The following KCNMA1 variants were observed in gnomAD, a reference collection of about 807,000 sequenced individuals.
KCNMA1 encodes the protein potassium calcium-activated channel subfamily M alpha 1.
In KCNMA1, 29 loss-of-function variants were observed where a neutral mutation model predicts 140.0. That is an observed-to-expected ratio of 0.21 (90% confidence interval 0.15 to 0.28). KCNMA1 has a LOEUF of 0.28. KCNMA1 is among the 10% of genes least tolerant of loss of function. The pLI, the probability that KCNMA1 is intolerant of heterozygous loss-of-function variation, is 1.00. For synonymous variants in KCNMA1, 612 were observed against 611.9 expected (o/e 1.00, Z 0.00); for missense variants, 880 against 1,602.2 (o/e 0.55, Z 7.70).
At chr10:77,252,589 C>G (rs1452816941) in intron 2 of KCNMA1, among the ~76,000 whole-genome samples, 4 of 147,390 alleles carry the variant, frequency 2.7e-5, no homozygotes, top group Non-Finnish European at 4.5e-5. Flanking sequence ...GTATGAGAGA[C>G]AGAATCTCTC....
intron 3 of KCNMA1, among the ~76,000 whole-genome samples, chr10:77,242,939 CAG>C (rs1555055024): frequency 1.3e-5 from 2 of 148,520 alleles, no homozygotes; most frequent in African/African-American, 5.0e-5. Context: ...CACACACACA[CAG>C]AGTCTTTCTC....
At chr10:77,333,898 C>T (rs970291267) in intron 2 of KCNMA1, among the ~76,000 whole-genome samples, 21 of 152,184 alleles carry the variant, frequency 1.4e-4, no homozygotes, top group Admixed American at 1.2e-3. Flanking sequence ...AAACCCACTT[C>T]CTTGTCTCAC....
chr10:76,895,029 A>G (rs767769101), intron 25 of KCNMA1, among the ~76,000 whole-genome samples: 2 of 152,222 alleles, frequency 1.3e-5, no homozygotes, highest in Non-Finnish European at 2.9e-5. Context: ...GTAGTTAAAG[A>G]CTGACCCGCA....
chr10:76,885,256 T>A lies in KCNMA1; in HGVS notation c.*2010A>T, dbSNP rs1428729720. 4 of 521,920 alleles carry A rather than the reference T, an allele frequency of 7.7e-6. No individual in the cohort carries two copies. The African/African-American group carries it at 8.4e-5, about 11-fold the overall frequency. 32.3% of individuals were successfully genotyped at this position (521,920 alleles called of 1,614,324 possible). A position where few individuals can be genotyped will look rare whatever the true frequency, so the allele number is the denominator to read the frequency against. On this transcript the variant is annotated 3_prime_UTR_variant, in exon 28 of 28. Coordinates refer to ENST00000286628, the MANE Select transcript of KCNMA1 (RefSeq NM_001161352.2). ...TTATATAGTTATATATATATAATTA[T>A]ATATAGTTTATATAAAGAGATAGTT...
intron 6 of KCNMA1, among the ~76,000 whole-genome samples, chr10:77,118,863 G>C (rs577467195): frequency 1.3e-5 from 2 of 152,298 alleles, no homozygotes; most frequent in Admixed American, 6.5e-5. Context: ...GATACCAATG[G>C]GTGCTCACTC....
At chr10:77,506,596 A>AGAGAGAGAGT in intron 1 of KCNMA1, among the ~76,000 whole-genome samples, 6 of 83,536 alleles carry the variant, frequency 7.2e-5, no homozygotes, top group African/African-American at 2.2e-4. Flanking sequence ...AGAGAGAGAG[A>AGAGAGAGAGT]GTGTGTGTGT....
intron 23 of KCNMA1, among the ~76,000 whole-genome samples, chr10:76,937,831 C>T (rs7895756): frequency 2.0e-5 from 3 of 151,904 alleles, no homozygotes; most frequent in Non-Finnish European, 2.9e-5. Flanking sequence ...GGAGGGTGTC[C>T]GCTTATATGT....
At chr10:76,928,657 C>A in intron 23 of KCNMA1, among the ~76,000 whole-genome samples, 1 of 152,166 alleles carries the variant, frequency 6.6e-6, no homozygotes, top group East Asian at 1.9e-4. Flanking sequence ...TATAAAATGG[C>A]TAAAGATAAA....
At chr10:77,353,999 T>TGGGGG (rs2093217796) in intron 2 of KCNMA1, among the ~76,000 whole-genome samples, 2 of 14,558 alleles carry the variant, frequency 1.4e-4, no homozygotes, top group African/African-American at 3.9e-4. Flanking sequence ...GGTGGAGGGG[T>TGGGGG]GGGGATGGAG....
chr10:77,617,462 T>C (rs968249182), intron 1 of KCNMA1, among the ~76,000 whole-genome samples: 5 of 152,234 alleles, frequency 3.3e-5, no homozygotes, highest in Non-Finnish European at 7.3e-5. Context: ...GAGGCAGTTA[T>C]GCCCCTTAGT....
rs186422440 is a variant in KCNMA1, at chr10:77,329,962, C to A, written c.540+73900G>T. On this transcript the variant is annotated intron_variant, in intron 2 of 27. Transcript: ENST00000286628. ...AAAAGTGCTTGCCACATTGTACAAC[C>A]CCAGTAAGGATAAATGTTAATATTA... is the stretch of plus-strand genomic sequence containing the variant. 2.1e-3 allele frequency among the ~76,000 whole-genome samples: 312 copies of A among 152,184 alleles called. 1 individual carries two copies. Among genetic ancestry groups the A allele is most frequent in the African/African-American group, 7.0e-3 (292 of 41,516 alleles).
chr10:77,063,968 G>A (rs2095847648), intron 14 of KCNMA1: 1 of 985,322 alleles, frequency 1.0e-6, no homozygotes, highest in South Asian at 4.7e-5. Context: ...AAGGGCCAGG[G>A]TGAGTGTCAG....
chr10:77,151,620 C>G (rs1221290693), intron 5 of KCNMA1, among the ~76,000 whole-genome samples: 4 of 152,194 alleles, frequency 2.6e-5, no homozygotes, highest in East Asian at 1.9e-4. Flanking sequence ...CTTATGCATG[C>G]CACAGACTCT....
intron 2 of KCNMA1, among the ~76,000 whole-genome samples, chr10:77,378,828 T>C (rs2095279813): frequency 6.6e-6 from 1 of 152,188 alleles, no homozygotes; most frequent in Non-Finnish European, 1.5e-5. Flanking sequence ...AAATTTATAA[T>C]CACATGGCAG....
At chr10:77,327,740 G>C (rs1040815570) in intron 2 of KCNMA1, among the ~76,000 whole-genome samples, 1 of 151,946 alleles carries the variant, frequency 6.6e-6, no homozygotes, top group Non-Finnish European at 1.5e-5. Flanking sequence ...GCCCACAATG[G>C]TGTAAAGAGC....
chr10:77,561,182 C>T (rs2066270629), intron 1 of KCNMA1, among the ~76,000 whole-genome samples: 1 of 151,302 alleles, frequency 6.6e-6, no homozygotes, highest in Non-Finnish European at 1.5e-5. Context: ...TCCCTGAAAA[C>T]TATTTGTCAA....
At position 77,571,488 on chromosome 10, in the gene KCNMA1, T is replaced by C. The variant is rs181607702; in HGVS notation, c.378+65777A>G. On this transcript the variant is annotated intron_variant, in intron 1 of 27. Transcript: ENST00000286628. ...CCCCAAACTTGCATGAAGGCAGACTTATGATTACAAATTCTCACAGCAAAC... is the reference window on the plus strand; with the variant it reads ...CCCCAAACTTGCATGAAGGCAGACTCATGATTACAAATTCTCACAGCAAAC... Among the ~76,000 whole-genome samples, 298 of 152,310 alleles carry C rather than the reference T, an allele frequency of 2.0e-3. 1 individual carries two copies. Among genetic ancestry groups the C allele is most frequent in the Non-Finnish European group, 3.7e-3 (252 of 68,026 alleles).
chr10:77,263,518 G>C (rs958039331), intron 2 of KCNMA1, among the ~76,000 whole-genome samples: 2 of 152,176 alleles, frequency 1.3e-5, no homozygotes, highest in Non-Finnish European at 2.9e-5. Flanking sequence ...AAGCTTGGTT[G>C]TAGCTCCTCA....
At position 76,970,080 on chromosome 10, in the gene KCNMA1, G is replaced by A; in HGVS notation, c.2267-13C>T. On this transcript the variant is annotated splice_polypyrimidine_tract_variant and intron_variant, in intron 19 of 27. Transcript: ENST00000286628. ...TGCTCATCTTCAACTGGAAATACAG[G>A]CAGCTCATGAGATTATGAACAGTTT... 1 of 1,607,696 alleles carries A rather than the reference G, an allele frequency of 6.2e-7. No individual in the cohort carries two copies.
Sources: gnomAD v4.1 joint callset for allele counts (sites outside exome capture counted in the v4.1 genomes callset) on GRCh38, gnomAD v4.1.1 for gene constraint, MANE v1.5 for transcripts, NCBI Gene and HGNC (gene_info 2026-07-23, HGNC 2026-07-21) for gene names.